The following KIAA1586 variants were observed in gnomAD, a reference collection of about 807,000 sequenced individuals.
KIAA1586 encodes the protein KIAA1586, also known as E3 SUMO-protein ligase KIAA1586.
A neutral mutation model predicts 6.1 loss-of-function variants in KIAA1586; 5 were observed. That is an observed-to-expected ratio of 0.82 (90% CI 0.43 to 1.73). KIAA1586 has a LOEUF of 1.73. Among genes scored for constraint, KIAA1586 ranks in the 40% most tolerant of loss-of-function variants. The pLI is 0.02. For synonymous variants in KIAA1586, 280 were observed against 301.7 expected (o/e 0.93, Z 0.75); for missense variants, 899 against 878.2 (o/e 1.02, Z -0.30).
rs1316427732 is a variant in KIAA1586 at position 57,053,925 on chromosome 6, A to G, written c.1426A>G (p.Ile476Val). The G allele has an allele frequency of 6.3e-7, 1 of 1,581,556 alleles. No individual in the cohort carries two copies. Residue 476 changes from isoleucine to valine, a missense_variant, in exon 4 of 4, where the codon ATT becomes GTT. Physicochemically the swap from Ile to Val is conservative, Grantham distance 29. Transcript: ENST00000370733. ...AGAACTTGAAACTGAAATTATTAAA[A>G]TTGGTCGAGTAATGGGACCAAGATG... The part of the protein sequence containing the change: ...AKELETEIIK[I>V]GRVMGPRWAA...
downstream of KIAA1586, among the ~76,000 whole-genome samples, chr6:57,055,790 C>T (rs990246107): frequency 6.6e-6 from 1 of 152,100 alleles, no homozygotes; most frequent in Non-Finnish European, 1.5e-5. Context: ...TAAACAGACT[C>T]AAAGAAGGTA....
rs767713183 is a variant in KIAA1586 at position 57,054,545 on chromosome 6, CAAT to C, written c.2047_2049del (p.Asn683del). 3.7e-6 allele frequency: 6 copies of C among 1,601,322 alleles called. No homozygotes were observed. The highest frequency in any genetic ancestry group is 5.1e-6 in the Non-Finnish European group (6 of 1,173,468). ...TTGTAAATAATAATATAAAATCAAA[CAAT>C]GTTTCAATTCCTACAACTATATACA... On this transcript the variant is annotated inframe_deletion, in exon 4 of 4. Coordinates refer to ENST00000370733, the MANE Select transcript of KIAA1586 (RefSeq NM_020931.4).
At chr6:57,058,057 A>G (rs549577730), downstream of KIAA1586, among the ~76,000 whole-genome samples, 6 of 152,234 alleles carry the variant, frequency 3.9e-5, 1 homozygote, top group African/African-American at 1.4e-4. Context: ...AGCCTCCCAG[A>G]ATGCCGATAT....
chr6:57,050,729 G>A, intron 2 of KIAA1586, 45 bp from the exon 3 acceptor site: 1 of 1,300,060 alleles, frequency 7.7e-7, no homozygotes, highest in South Asian at 1.2e-5. Flanking sequence ...AAGTTTAATT[G>A]GAATGATTGT....
Position 57,054,686 on chromosome 6 carries a change from T to C in KIAA1586, c.2187T>C (p.His729=), listed in dbSNP as rs955907338. 1.3e-6 allele frequency: 2 copies of C among 1,553,476 alleles called. No individual in the cohort carries two copies. The highest frequency in any genetic ancestry group is 1.7e-6 in the Non-Finnish European group (2 of 1,147,518). Residue 729 remains histidine (H), a synonymous_variant, in exon 4 of 4, where the codon CAT becomes CAC. Coordinates refer to ENST00000370733, the MANE Select transcript of KIAA1586 (RefSeq NM_020931.4). The part of the protein sequence containing the change: ...TRVRNSLTID[H]VSDLMTINLL... The stretch of plus-strand genomic sequence containing the variant: ...TGAGAAATAGTTTAACAATAGATCA[T>C]GTATCAGATTTAATGACAATAAATT...
At chr6:57,062,462 G>T in the KIAA1586 span, among the ~76,000 whole-genome samples, 1 of 152,158 alleles carries the variant, frequency 6.6e-6, no homozygotes, top group Non-Finnish European at 1.5e-5. Flanking sequence ...CCTATTAAGA[G>T]TCACATCTGA....
chr6:57,062,477 C>T, the KIAA1586 span, among the ~76,000 whole-genome samples: 1 of 152,160 alleles, frequency 6.6e-6, no homozygotes. Context: ...ATCTGAACTA[C>T]AAGATTTCAG....
downstream of KIAA1586, among the ~76,000 whole-genome samples, chr6:57,058,910 C>T (rs543516604): frequency 1.3e-5 from 2 of 152,252 alleles, no homozygotes; most frequent in East Asian, 3.9e-4. Flanking sequence ...TTGAATTTAC[C>T]TAACTTAGGC....
At chr6:57,049,945 C>T (rs142613967) in intron 2 of KIAA1586, among the ~76,000 whole-genome samples, 2 of 151,298 alleles carry the variant, frequency 1.3e-5, no homozygotes, top group South Asian at 2.1e-4. Flanking sequence ...CAAAGAACTT[C>T]GAGATTACTG....
intron 2 of KIAA1586, among the ~76,000 whole-genome samples, chr6:57,048,736 TG>T (rs2127906050): frequency 6.6e-6 from 1 of 152,330 alleles, no homozygotes; most frequent in South Asian, 2.1e-4. Flanking sequence ...ATGAGTTTTT[TG>T]TGCATCTGTA....
Position 57,052,779 on chromosome 6 carries a change from A to G in KIAA1586, c.280A>G (p.Ser94Gly). 5.6e-6 allele frequency: 9 copies of G among 1,612,800 alleles called. No homozygotes were observed. Among genetic ancestry groups the G allele is most frequent in the Non-Finnish European group, 7.6e-6 (9 of 1,179,392 alleles). The change falls in exon 4 of 4, where the codon AGC becomes GGC. Residue 94 changes from serine to glycine, a missense_variant. Coordinates refer to ENST00000370733, the MANE Select transcript of KIAA1586 (RefSeq NM_020931.4). ...VKTDTENNEV[S>G]KNHCRLSKAK... ...AACAGACACAGAAAATAATGAAGTGAGCAAAAATCACTGCAGATTGTCTAA... is the reference window on the plus strand; with the variant it reads ...AACAGACACAGAAAATAATGAAGTGGGCAAAAATCACTGCAGATTGTCTAA...
chr6:57,055,696 A>G (rs1399953749), downstream of KIAA1586, among the ~76,000 whole-genome samples: 1 of 152,210 alleles, frequency 6.6e-6, no homozygotes. Flanking sequence ...TTACACATGA[A>G]TATGAGCAAA....
At chr6:57,059,641 G>C (rs1413857983), downstream of KIAA1586, among the ~76,000 whole-genome samples, 1 of 150,480 alleles carries the variant, frequency 6.6e-6, no homozygotes, top group Non-Finnish European at 1.5e-5. Context: ...AGTTGTATTA[G>C]ACGGCACTAC....
rs749641857 is a variant in KIAA1586, at chr6:57,053,299, A to AG, written c.805dup (p.Ala269GlyfsTer37). Reference sequence around the variant, plus strand: ...CATAACAGACCTTTATCTGATATTGAGGGGGCAAGAGAATTACAGGAAAAA... The same window carrying AG: ...CATAACAGACCTTTATCTGATATTGAGGGGGGCAAGAGAATTACAGGAAAAA... On this transcript the variant is annotated frameshift_variant, in exon 4 of 4. Coordinates refer to ENST00000370733, the MANE Select transcript of KIAA1586 (RefSeq NM_020931.4). LOFTEE classifies it low-confidence loss of function (END_TRUNC). 2.5e-6 allele frequency: 4 copies of AG among 1,612,166 alleles called. No individual in the cohort carries two copies. The highest frequency in any genetic ancestry group is 1.3e-5 in the African/African-American group (1 of 74,822).
intron 2 of KIAA1586, among the ~76,000 whole-genome samples, chr6:57,049,268 C>G (rs1347259833): frequency 6.6e-6 from 1 of 152,120 alleles, no homozygotes; most frequent in African/African-American, 2.4e-5. Flanking sequence ...CTTTGTAACC[C>G]CATCCTATAC....
chr6:57,059,588 G>GAAA (rs36057059), downstream of KIAA1586, among the ~76,000 whole-genome samples: 61 of 141,662 alleles, frequency 4.3e-4, no homozygotes, highest in Middle Eastern at 3.7e-3. Context: ...GACTCTGTCT[G>GAAA]AAAAAAAAAA....
chr6:57,061,076 C>T, the KIAA1586 span, among the ~76,000 whole-genome samples: 2 of 151,740 alleles, frequency 1.3e-5, no homozygotes, highest in Non-Finnish European at 2.9e-5. Flanking sequence ...CTTCCTGGTT[C>T]AAGCGATTCT....
downstream of KIAA1586, among the ~76,000 whole-genome samples, chr6:57,059,613 A>G (rs1002683883): frequency 6.6e-6 from 1 of 151,522 alleles, no homozygotes; most frequent in African/African-American, 2.4e-5. Context: ...ATAGAATTAC[A>G]TATGTGGCTT....
chr6:57,058,508 C>T (rs1371542430), downstream of KIAA1586, among the ~76,000 whole-genome samples: 1 of 152,176 alleles, frequency 6.6e-6, no homozygotes, highest in Non-Finnish European at 1.5e-5. Context: ...AGATTTTCTT[C>T]CAATAACAGG....
Sources: gnomAD v4.1 joint callset for allele counts (sites outside exome capture counted in the v4.1 genomes callset) on GRCh38, gnomAD v4.1.1 for gene constraint, MANE v1.5 for transcripts, NCBI Gene and HGNC (gene_info 2026-07-23, HGNC 2026-07-21) for gene names.